The following UNC79 variants were observed in gnomAD, a reference collection of about 807,000 sequenced individuals.
UNC79 encodes the protein protein unc-79 homolog.
UNC79 carries 37 observed loss-of-function variants against 283.1 expected under a neutral mutation model. The ratio of observed to expected loss-of-function variants is 0.13; its 90% confidence interval spans 0.10 to 0.17. The LOEUF is 0.17. UNC79 is among the 10% of genes least tolerant of loss of function. UNC79 has a pLI of 1.00. For synonymous variants in UNC79, 1,107 were observed against 1,200.2 expected, an observed-to-expected ratio of 0.92 and a Z score of 1.61; for missense variants, 2,272 against 3,211.1, an observed-to-expected ratio of 0.71 and a Z score of 7.07.
chr14:93,523,934 T>C (rs746119364), intron 7 of UNC79, 44 bp from the exon 8 acceptor site: 2 of 1,602,776 alleles, frequency 1.2e-6, no homozygotes, highest in Non-Finnish European at 1.7e-6. Context: ...AGGGCATGAA[T>C]AATTTCAATG....
intron 47 of UNC79, among the ~76,000 whole-genome samples, chr14:93,701,350 G>A (rs1417556776): frequency 1.3e-5 from 2 of 152,188 alleles, no homozygotes; most frequent in Non-Finnish European, 2.9e-5. Flanking sequence ...GAAAGAGAAA[G>A]TTTCATCACC....
chr14:93,645,336 A>G (rs1437780944), intron 34 of UNC79, among the ~76,000 whole-genome samples: 1 of 152,220 alleles, frequency 6.6e-6, no homozygotes, highest in Non-Finnish European at 1.5e-5. Context: ...ATTTTTACAT[A>G]TTTACATACA....
chr14:93,596,089 G>A (rs1457636440), intron 23 of UNC79, among the ~76,000 whole-genome samples: 1 of 152,318 alleles, frequency 6.6e-6, no homozygotes, highest in Non-Finnish European at 1.5e-5. Context: ...AAGCATGTAA[G>A]AGGTTGACAA....
intron 7 of UNC79, among the ~76,000 whole-genome samples, chr14:93,502,088 C>G (rs2059319477): frequency 6.6e-6 from 1 of 152,084 alleles, no homozygotes; most frequent in Admixed American, 6.6e-5. Context: ...TGTATATCAA[C>G]AACAACTGCT....
At chr14:93,428,147 A>T (rs553826112), upstream of UNC79, among the ~76,000 whole-genome samples, 5 of 152,164 alleles carry the variant, frequency 3.3e-5, no homozygotes, top group Non-Finnish European at 7.4e-5. Flanking sequence ...TTTCAGCCAC[A>T]ATTTGATAGC....
chr14:93,527,162 C>T (rs1043936804), intron 8 of UNC79, among the ~76,000 whole-genome samples: 3 of 152,202 alleles, frequency 2.0e-5, no homozygotes, highest in African/African-American at 7.2e-5. Flanking sequence ...ACTTGAAGTC[C>T]ACTTTATGAA....
intron 2 of UNC79, 123 bp downstream of exon 2, chr14:93,467,914 G>A: frequency 8.2e-7 from 1 of 1,215,112 alleles, no homozygotes. Flanking sequence ...TGCTCTGTCA[G>A]AAGAGTCTGT....
At position 93,577,938 on chromosome 14, in the gene UNC79, A is replaced by T; in HGVS notation, c.2308A>T (p.Ser770Cys). The T allele has an allele frequency of 1.9e-6, 3 of 1,614,174 alleles. No individual in the cohort carries two copies. In the South Asian group the frequency reaches 3.3e-5, roughly 18 times the overall value. ...GAGTCCGTTTCGGAGTCCTTTGCGT[A>T]GTCCGTTTCGTAGCCCTTTCAAGAA... Residue 770 changes from serine (S) to cysteine (C), a missense_variant, in exon 18 of 49, where the codon AGT (serine) becomes TGT (cysteine). Physicochemically the swap from Ser to Cys is moderately radical, Grantham distance 112. Around this residue, in one of 11 missense-constraint regions of UNC79, gnomAD observed 356 missense variants for 416.2 expected, o/e 0.86. Coordinates refer to ENST00000555664, the Ensembl canonical transcript of UNC79.
chr14:93,593,849 T>A lies in UNC79; in HGVS notation c.3190+12T>A. The A allele has an allele frequency of 6.2e-7, 1 of 1,611,260 alleles. No homozygotes were observed. Reference sequence around the variant, plus strand: ...GAGGTTTGAAGCAGGTACCTCTGTGTTAGCTTAAAACTCATTCTGGGTCAC... The same window carrying A: ...GAGGTTTGAAGCAGGTACCTCTGTGATAGCTTAAAACTCATTCTGGGTCAC... On this transcript the variant is annotated intron_variant, in intron 23 of 48. Coordinates refer to ENST00000555664, the Ensembl canonical transcript of UNC79.
rs138079281 is a variant in UNC79 at position 93,586,819 on chromosome 14, T to C, written c.2943T>C (p.Ile981=). 412 of 1,614,106 alleles carry C rather than the reference T, an allele frequency of 2.6e-4. 4 individuals are homozygous for C. In the African/African-American group the frequency reaches 4.2e-3, roughly 17 times the overall value. The change falls in exon 22 of 49, where the codon ATT becomes ATC. Residue 981 remains isoleucine (I), a synonymous_variant. Coordinates refer to ENST00000555664, the Ensembl canonical transcript of UNC79. ...TTAATATGCTCAATTGCCTGAAGAT[T>C]CTCTGTCTGCATGGAGAATGTTTAT...
chr14:93,564,999 C>T lies in UNC79; in HGVS notation c.1756-6895C>T, dbSNP rs929356159. ...ATGTGCTCCCCCAAATTATAAGAGG[C>T]GTGCCTACGGGTCCAAACCCAAAGA... is the stretch of plus-strand genomic sequence containing the variant. On this transcript the variant is annotated intron_variant, in intron 14 of 48. Coordinates refer to ENST00000555664, the Ensembl canonical transcript of UNC79. Among the ~76,000 whole-genome samples the T allele has an allele frequency of 1.7e-4, 26 of 152,236 alleles. 1 individual carries two copies. The highest frequency in any genetic ancestry group is 1.6e-3 in the Admixed American group (24 of 15,286).
In UNC79 at chr14:93,542,308, C is replaced by T. The variant is rs557067084; in HGVS notation, c.1525-158C>T. ...CCATCTATCCCTGTAGAAAGGAACA[C>T]AGTTTCTGGATAAGCGATCCCCATT... On this transcript the variant is annotated intron_variant, in intron 13 of 48. Transcript: ENST00000555664. Among the ~76,000 whole-genome samples, 158 of 152,302 alleles carry T rather than the reference C, an allele frequency of 1.0e-3. 1 individual carries two copies. Among genetic ancestry groups the T allele is most frequent in the Non-Finnish European group, 2.9e-5 (2 of 68,014 alleles).
chr14:93,594,041 T>C (rs1418723461), intron 23 of UNC79, among the ~76,000 whole-genome samples: 1 of 152,182 alleles, frequency 6.6e-6, no homozygotes, highest in Non-Finnish European at 1.5e-5. Flanking sequence ...AGGGTGGTCC[T>C]GTCCAGGTTT....
At chr14:93,468,010 G>A (rs1241829074) in intron 2 of UNC79, among the ~76,000 whole-genome samples, 3 of 151,954 alleles carry the variant, frequency 2.0e-5, no homozygotes, top group South Asian at 2.1e-4. Context: ...CTGCTTTCCC[G>A]CATTGAACAT....
exon 49 of UNC79, chr14:93,706,765 G>C (rs756156386): frequency 3.7e-6 from 6 of 1,614,122 alleles, no homozygotes; most frequent in Non-Finnish European, 5.1e-6. Flanking sequence ...AACCACCACA[G>C]CCTAAGGACG....
chr14:93,395,271 G>T (rs1328100021), intron 1 of UNC79, among the ~76,000 whole-genome samples: 1 of 152,062 alleles, frequency 6.6e-6, no homozygotes, highest in East Asian at 1.9e-4. Flanking sequence ...AAAGATAGTT[G>T]TATTAGTTTG....
At chr14:93,416,051 G>T in intron 1 of UNC79, among the ~76,000 whole-genome samples, 2 of 149,108 alleles carry the variant, frequency 1.3e-5, no homozygotes, top group South Asian at 2.1e-4. Context: ...GTTATTTCTT[G>T]CCTTCTGCTA....
At chr14:93,432,664 G>GA (rs1314570413) in intron 1 of UNC79, among the ~76,000 whole-genome samples, 1 of 151,916 alleles carries the variant, frequency 6.6e-6, no homozygotes, top group African/African-American at 2.4e-5. Flanking sequence ...AGAGGTTTTT[G>GA]AAAAAAATTG....
At chr14:93,347,998 C>T in intron 1 of UNC79, 2 of 1,391,464 alleles carry the variant, frequency 1.4e-6, no homozygotes, top group Non-Finnish European at 2.0e-6. Context: ...GGAAGCCATA[C>T]TCAGCAGCGC....
Sources: allele counts gnomAD v4.1 joint callset (sites outside exome capture counted in the v4.1 genomes callset), GRCh38; gene constraint gnomAD v4.1.1; regional missense constraint gnomAD v4.1.1; transcripts MANE v1.5; gene names NCBI Gene and HGNC (gene_info 2026-07-23, HGNC 2026-07-21).